Variants in RSRC1 observed in about 807,000 individuals in gnomAD.
RSRC1 encodes the protein arginine and serine rich coiled-coil 1, also known as serine/Arginine-related protein 53.
RSRC1 carries 39 observed loss-of-function variants against 49.1 expected under a neutral mutation model. The observed-to-expected ratio is 0.79, with a 90% CI of 0.61 to 1.04. RSRC1 has a LOEUF of 1.04. Ranked by LOEUF, RSRC1 falls within the 50% of genes least tolerant of loss-of-function variation. The probability of loss-of-function intolerance (pLI) is 0.00; values close to 1 mark genes in which losing one functional copy is unlikely to be tolerated. For missense variants in RSRC1, 388 were observed against 402.4 expected (o/e 0.96, Z 0.31); for synonymous variants, 143 against 130.8 (o/e 1.09, Z -0.63).
Position 158,191,568 on chromosome 3 carries a change from C to T in RSRC1, c.321-11504C>T, listed in dbSNP as rs146688988. Among the ~76,000 whole-genome samples, 495 of 151,982 alleles carry T rather than the reference C, an allele frequency of 3.3e-3. 4 individuals carry two copies. The highest frequency in any genetic ancestry group is 0.012 in the African/African-American group (483 of 41,498). On this transcript the variant is annotated intron_variant, in intron 3 of 9. Coordinates refer to ENST00000611884, the MANE Select transcript of RSRC1 (RefSeq NM_001271838.2). ...TTTCTTATTCTGTAGATATTGAAAG[C>T]ATTTATCTGGTATAATAGGACATCT...
At chr3:158,175,140 C>G (rs1056115168) in intron 3 of RSRC1, among the ~76,000 whole-genome samples, 1 of 151,776 alleles carries the variant, frequency 6.6e-6, no homozygotes, top group African/African-American at 2.4e-5. Flanking sequence ...CTTGTTTAGT[C>G]TCATCTATTT....
chr3:158,117,187 A>G lies in RSRC1; in HGVS notation c.-2-4916A>G, dbSNP rs554642525. Among the ~76,000 whole-genome samples, 25 of 152,242 alleles carry G rather than the reference A, an allele frequency of 1.6e-4. No homozygotes were observed. In the East Asian group the frequency reaches 4.6e-3, roughly 28 times the overall value. ...GTGCTACCCATATTTTTTTATCTTT[A>G]GAAATTTCTAGGCTCTTCTGTATAT... is the stretch of plus-strand genomic sequence containing the variant. On this transcript the variant is annotated intron_variant, in intron 1 of 9. Transcript: ENST00000611884.
chr3:158,523,040 A>T (rs978928057), intron 7 of RSRC1, among the ~76,000 whole-genome samples: 2 of 152,132 alleles, frequency 1.3e-5, no homozygotes, highest in Admixed American at 6.6e-5. Flanking sequence ...AATCAGAAGA[A>T]ATAAAGATTT....
At chr3:158,498,463 A>G (rs1739448548) in intron 7 of RSRC1, among the ~76,000 whole-genome samples, 1 of 151,836 alleles carries the variant, frequency 6.6e-6, no homozygotes, top group Admixed American at 6.5e-5. Flanking sequence ...TAGATTCTGG[A>G]TATTAGTCCT....
At chr3:158,364,102 T>C (rs1457451826) in intron 6 of RSRC1, among the ~76,000 whole-genome samples, 3 of 152,226 alleles carry the variant, frequency 2.0e-5, no homozygotes, top group African/African-American at 7.2e-5. Flanking sequence ...TTTCTCTTCA[T>C]AGCCATGTGA....
intron 3 of RSRC1, among the ~76,000 whole-genome samples, chr3:158,169,379 C>G (rs1242282800): frequency 6.6e-6 from 1 of 152,004 alleles, no homozygotes; most frequent in East Asian, 1.9e-4. Context: ...TGTATTTGGC[C>G]ACCTCATTCA....
intron 5 of RSRC1, among the ~76,000 whole-genome samples, chr3:158,302,240 A>G (rs948408437): frequency 6.6e-5 from 10 of 152,112 alleles, no homozygotes; most frequent in Non-Finnish European, 1.2e-4. Context: ...TAACAGCACA[A>G]CAGGTAGCAC....
chr3:158,298,751 G>A (rs567303473), intron 5 of RSRC1, among the ~76,000 whole-genome samples: 6 of 152,186 alleles, frequency 3.9e-5, no homozygotes, highest in South Asian at 2.1e-4. Context: ...TAAACTGAGC[G>A]TTACAGAGTC....
At chr3:158,330,351 T>G (rs894626360) in intron 5 of RSRC1, among the ~76,000 whole-genome samples, 2 of 152,236 alleles carry the variant, frequency 1.3e-5, no homozygotes, top group African/African-American at 4.8e-5. Context: ...GCTGTTCCTA[T>G]TCAGCCATCT....
intron 5 of RSRC1, among the ~76,000 whole-genome samples, chr3:158,324,917 C>T (rs912424669): frequency 5.3e-5 from 8 of 152,126 alleles, no homozygotes; most frequent in African/African-American, 1.2e-4. Context: ...TTTTAATGAT[C>T]GCCATTGTAA....
chr3:158,125,356 A>C (rs983792287), intron 3 of RSRC1, among the ~76,000 whole-genome samples: 12 of 151,998 alleles, frequency 7.9e-5, no homozygotes, highest in African/African-American at 2.9e-4. Flanking sequence ...GTAGGTGTTC[A>C]TGCTAAAACT....
chr3:158,504,647 A>G (rs7623732), intron 7 of RSRC1, among the ~76,000 whole-genome samples: 78,849 of 152,000 alleles, frequency 0.52, 20,912 homozygotes, highest in African/African-American at 0.63. Flanking sequence ...AGTTCTTGAA[A>G]TAAAAATGAA....
intron 6 of RSRC1, among the ~76,000 whole-genome samples, chr3:158,419,283 T>TA (rs2108334473): frequency 6.6e-6 from 1 of 152,082 alleles, no homozygotes; most frequent in South Asian, 2.1e-4. Context: ...GATTAGTACT[T>TA]ATGGCTGTGA....
intron 4 of RSRC1, among the ~76,000 whole-genome samples, chr3:158,253,497 G>A (rs915358551): frequency 3.3e-5 from 5 of 152,010 alleles, no homozygotes; most frequent in African/African-American, 9.7e-5. Flanking sequence ...CATATATGGT[G>A]TGTCCTTGAG....
rs79392872 is a variant in RSRC1 at position 158,160,449 on chromosome 3, T to C, written c.320+36458T>C. On this transcript the variant is annotated intron_variant, in intron 3 of 9. Transcript: ENST00000611884. Reference sequence around the variant, plus strand: ...TTTTTTGAGGAAGGGGTGGAATACATATAGAGAAATGTGGGAAGGAAAAGA... The same window carrying C: ...TTTTTTGAGGAAGGGGTGGAATACACATAGAGAAATGTGGGAAGGAAAAGA... Among the ~76,000 whole-genome samples the C allele has an allele frequency of 9.2e-3, 1,399 of 152,216 alleles. 31 individuals are homozygous for C. Among genetic ancestry groups the C allele is most frequent in the African/African-American group, 0.032 (1,337 of 41,540 alleles).
At chr3:158,420,904 A>G (rs562721922) in intron 6 of RSRC1, among the ~76,000 whole-genome samples, 107 of 152,054 alleles carry the variant, frequency 7.0e-4, no homozygotes, top group African/African-American at 2.4e-3. Context: ...TGGTGGAGAA[A>G]GTAAACAGAA....
chr3:158,397,151 T>G (rs1481484874), intron 6 of RSRC1, among the ~76,000 whole-genome samples: 1 of 152,190 alleles, frequency 6.6e-6, no homozygotes, highest in African/African-American at 2.4e-5. Flanking sequence ...TAACGAGAGA[T>G]GTACAGCTGA....
chr3:158,518,148 A>ATTTTTTTTTTTTTTTTTTTTT (rs72132266), intron 7 of RSRC1, among the ~76,000 whole-genome samples: 5 of 44,138 alleles, frequency 1.1e-4, no homozygotes, highest in African/African-American at 4.6e-4. Flanking sequence ...ATATATATAT[A>ATTTTTTTTTTTTTTTTTTTTT]TTTTTTTTTT....
chr3:158,541,377 A>G (rs1170274923), intron 8 of RSRC1, among the ~76,000 whole-genome samples: 1 of 152,168 alleles, frequency 6.6e-6, no homozygotes, highest in Non-Finnish European at 1.5e-5. Context: ...GTGATTATGC[A>G]TTATTTTGGA....
Sources: gnomAD v4.1 joint callset for allele counts (sites outside exome capture counted in the v4.1 genomes callset) on GRCh38, gnomAD v4.1.1 for gene constraint, MANE v1.5 for transcripts, NCBI Gene and HGNC (gene_info 2026-07-23, HGNC 2026-07-21) for gene names.